Variants in UBE2G2 observed in about 807,000 individuals in gnomAD.
UBE2G2 encodes ubiquitin-conjugating enzyme E2 G2.
In UBE2G2, 10 loss-of-function variants were observed where a neutral mutation model predicts 23.0. The observed-to-expected ratio is 0.43, with a 90% CI of 0.27 to 0.74. The LOEUF is 0.74. Among genes scored for constraint, UBE2G2 ranks in the 30% least tolerant of loss-of-function variants. The pLI, the probability that UBE2G2 is intolerant of heterozygous loss-of-function variation, is 0.19. For synonymous variants in UBE2G2, 86 were observed against 81.3 expected, an observed-to-expected ratio of 1.06 and a Z score of -0.31; for missense variants, 150 against 218.3, an observed-to-expected ratio of 0.69 and a Z score of 1.97.
chr21:44,771,282 T>G lies in UBE2G2; in HGVS notation c.*95A>C. ...CCATGGTTCTTGCAAGTCTGCCTTG[T>G]TTGGTACCAGCACAGAGCATCACTG... On this transcript the variant is annotated 3_prime_UTR_variant, in exon 6 of 6. Coordinates refer to ENST00000345496, the MANE Select transcript of UBE2G2 (RefSeq NM_003343.6). This position sits in a 1 kb window ranked among gnomAD's most constrained non-coding sequence, Gnocchi z 4.6. 8.7e-7 allele frequency: 1 copy of G among 1,156,020 alleles called. No individual in the cohort carries two copies. The highest frequency in any genetic ancestry group is 1.2e-6 in the Non-Finnish European group (1 of 806,682). 71.6% of individuals were successfully genotyped at this position (1,156,020 alleles called of 1,614,324 possible).
intron 1 of UBE2G2, among the ~76,000 whole-genome samples, chr21:44,797,740 A>AAAAAAAG (rs781868771): frequency 0.013 from 1,509 of 114,082 alleles, 77 homozygotes; most frequent in African/African-American, 0.023. Context: ...AAAAAAAAAA[A>AAAAAAAG]AGAGAAAATA....
intron 3 of UBE2G2, among the ~76,000 whole-genome samples, chr21:44,780,585 A>G (rs1358548563): frequency 6.6e-6 from 1 of 152,188 alleles, no homozygotes; most frequent in Non-Finnish European, 1.5e-5. Context: ...TAAGCATCAT[A>G]ATGACCCTGC....
At chr21:44,790,859 G>A (rs1266532775) in intron 1 of UBE2G2, among the ~76,000 whole-genome samples, 2 of 152,226 alleles carry the variant, frequency 1.3e-5, no homozygotes, top group African/African-American at 4.8e-5. Flanking sequence ...TTCAGAACTG[G>A]GTAGTAGGCA....
chr21:44,781,098 A>G (rs1213614303), intron 3 of UBE2G2, among the ~76,000 whole-genome samples: 1 of 152,246 alleles, frequency 6.6e-6, no homozygotes, highest in Non-Finnish European at 1.5e-5. Flanking sequence ...AGAAGTCTCC[A>G]ACGCACATGT....
chr21:44,771,726 T>C lies in UBE2G2; in HGVS notation c.386-237A>G, dbSNP rs747472063. Among the ~76,000 whole-genome samples, 41 of 152,100 alleles carry C rather than the reference T, an allele frequency of 2.7e-4. No homozygotes were observed. The highest frequency in any genetic ancestry group is 4.6e-4 in the Non-Finnish European group (31 of 68,024). ...GAGTGTCTGAAGACACCAGGACAAG[T>C]TGTCATCTGTCTTGCTGTGGAACAT... On this transcript the variant is annotated intron_variant, in intron 5 of 5. Transcript: ENST00000345496. The surrounding 1 kb of genome is among the most constrained non-coding windows in gnomAD (Gnocchi z 4.6).
chr21:44,781,003 G>A (rs2082952112), intron 3 of UBE2G2, among the ~76,000 whole-genome samples: 1 of 152,222 alleles, frequency 6.6e-6, no homozygotes, highest in Non-Finnish European at 1.5e-5. Flanking sequence ...TGGTGCGCTC[G>A]CCACTTCAGC....
At chr21:44,786,363 G>C (rs1235324507) in intron 3 of UBE2G2, among the ~76,000 whole-genome samples, 1 of 152,074 alleles carries the variant, frequency 6.6e-6, no homozygotes, top group Non-Finnish European at 1.5e-5. Flanking sequence ...ACTGCCTTGG[G>C]GGCCACATTA....
At chr21:44,799,457 C>G (rs1290457020) in intron 1 of UBE2G2, among the ~76,000 whole-genome samples, 1 of 152,192 alleles carries the variant, frequency 6.6e-6, no homozygotes, top group Admixed American at 6.5e-5. Context: ...TTCTGGAGAC[C>G]TTGCTGCTTC....
At chr21:44,793,906 G>A (rs1171401322) in intron 1 of UBE2G2, among the ~76,000 whole-genome samples, 1 of 152,094 alleles carries the variant, frequency 6.6e-6, no homozygotes, top group Non-Finnish European at 1.5e-5. Context: ...TATCAACAGA[G>A]GACCAGTCAA....
At chr21:44,797,879 T>C (rs563545418) in intron 1 of UBE2G2, among the ~76,000 whole-genome samples, 1 of 152,250 alleles carries the variant, frequency 6.6e-6, no homozygotes, top group South Asian at 2.1e-4. Flanking sequence ...AGGTTTCCCA[T>C]GAGGACACAG....
chr21:44,770,957 CT>C lies in UBE2G2; in HGVS notation c.*419del, dbSNP rs1180395542. On this transcript the variant is annotated 3_prime_UTR_variant, in exon 6 of 6. Coordinates refer to ENST00000345496, the MANE Select transcript of UBE2G2 (RefSeq NM_003343.6). Reference sequence around the variant, plus strand: ...CCAGAAAGGGTGCCGGGCCCTTCCCCTGTGCTGCAGCTACAGGGCCCCATTT... The same window carrying C: ...CCAGAAAGGGTGCCGGGCCCTTCCCCGTGCTGCAGCTACAGGGCCCCATTT... 52 of 158,918 alleles carry C rather than the reference CT, an allele frequency of 3.3e-4. No individual in the cohort carries two copies. Among genetic ancestry groups the C allele is most frequent in the Middle Eastern group, 3.2e-3 (1 of 312 alleles). 9.8% of individuals were successfully genotyped at this position (158,918 alleles called of 1,614,324 possible). A position where few individuals can be genotyped will look rare whatever the true frequency, so the allele number is the denominator to read the frequency against.
intron 3 of UBE2G2, among the ~76,000 whole-genome samples, chr21:44,787,437 G>A (rs1036097426): frequency 2.0e-5 from 3 of 152,286 alleles, no homozygotes; most frequent in Non-Finnish European, 2.9e-5. Context: ...TGCAGCACAC[G>A]AAGATACGAA....
chr21:44,795,128 T>C (rs1320768963), intron 1 of UBE2G2, among the ~76,000 whole-genome samples: 2 of 152,046 alleles, frequency 1.3e-5, no homozygotes, highest in African/African-American at 4.8e-5. Flanking sequence ...CCAGGTGTGG[T>C]GGCACGCGCC....
At position 44,769,563 on chromosome 21, in the gene UBE2G2, G is replaced by A. The variant is rs2082856248; in HGVS notation, c.*1814C>T. ...GCCCGGCTAATTTTTTGTATTTTTAGTGGAGACAGGGTTTCACTGTTAGCC... is the reference window on the plus strand; with the variant it reads ...GCCCGGCTAATTTTTTGTATTTTTAATGGAGACAGGGTTTCACTGTTAGCC... On this transcript the variant is annotated 3_prime_UTR_variant, in exon 6 of 6. Coordinates refer to ENST00000345496, the MANE Select transcript of UBE2G2 (RefSeq NM_003343.6). 6.6e-6 allele frequency: 1 copy of A among 152,164 alleles called. No individual in the cohort carries two copies. The allele number at this position is 152,164 out of a possible 1,614,324, so 9.4% of individuals were successfully genotyped here.
chr21:44,793,733 A>T (rs1339251695), intron 1 of UBE2G2, among the ~76,000 whole-genome samples: 4 of 152,234 alleles, frequency 2.6e-5, no homozygotes, highest in African/African-American at 9.6e-5. Context: ...TGGCTTAACA[A>T]ATAGCTACCA....
intron 1 of UBE2G2, 30 bp downstream of exon 1, chr21:44,801,676 G>A (rs1321242362): frequency 3.3e-6 from 5 of 1,505,150 alleles, no homozygotes; most frequent in Non-Finnish European, 4.4e-6. Flanking sequence ...AACGCGGGAC[G>A]CTGCTGACGG....
At chr21:44,785,043 C>T (rs551960358) in intron 3 of UBE2G2, among the ~76,000 whole-genome samples, 3 of 152,298 alleles carry the variant, frequency 2.0e-5, no homozygotes, top group African/African-American at 4.8e-5. Flanking sequence ...CCCCCGTCAC[C>T]GTGGCTTAGT....
chr21:44,797,218 C>T (rs976675307), intron 1 of UBE2G2, among the ~76,000 whole-genome samples: 3 of 152,214 alleles, frequency 2.0e-5, no homozygotes, highest in African/African-American at 7.2e-5. Flanking sequence ...GGAAATCAAC[C>T]ATTATTTAGG....
At chr21:44,782,155 T>TC (rs2082962156) in intron 3 of UBE2G2, among the ~76,000 whole-genome samples, 1 of 152,198 alleles carries the variant, frequency 6.6e-6, no homozygotes, top group Admixed American at 6.5e-5. Context: ...TCACTCCCCC[T>TC]CCCAAAATCA....
Sources: gnomAD v4.1 joint callset for allele counts (sites outside exome capture counted in the v4.1 genomes callset) on GRCh38, gnomAD v4.1.1 for gene constraint, Gnocchi (gnomAD v3.1) non-coding constraint, MANE v1.5 for transcripts, NCBI Gene and HGNC (gene_info 2026-07-23, HGNC 2026-07-21) for gene names.